DUX4: variants seen among roughly 807,000 people sequenced by gnomAD.
The protein encoded by DUX4 is double homeobox 4.
downstream of DUX4, among the ~76,000 whole-genome samples, chr4:190,178,891 G>GCCCCCATAGGCAGA (rs1742461053): frequency 2.8e-5 from 1 of 36,074 alleles, no homozygotes. Flanking sequence ...GCAGATCTAT[G>GCCCCCATAGGCAGA]TCACAATGCC....
At chr4:190,179,870 A>C (rs1742517626), downstream of DUX4, among the ~76,000 whole-genome samples, 1 of 152,390 alleles carries the variant, frequency 6.6e-6, no homozygotes, top group East Asian at 1.9e-4. Context: ...AGCAGAGCCT[A>C]GACAAGAGTT....
chr4:190,178,223 T>C (rs1742411478), downstream of DUX4, among the ~76,000 whole-genome samples: 20 of 150,290 alleles, frequency 1.3e-4, no homozygotes, highest in Admixed American at 4.0e-4. Context: ...ATGCCCCCTG[T>C]AGGCAGAGCA....
At chr4:190,182,399 G>C (rs1472567481) in intron 1 of DUX4, among the ~76,000 whole-genome samples, 84 of 47,000 alleles carry the variant, frequency 1.8e-3, no homozygotes, top group African/African-American at 3.5e-3. Context: ...GTTAGGGTTA[G>C]GGGTTAGGGT....
chr4:190,185,305 TA>T (rs1201091515), intron 1 of DUX4: 3 of 38,864 alleles, frequency 7.7e-5, no homozygotes, highest in Non-Finnish European at 2.2e-4. Context: ...TTGCTTTTTT[TA>T]AAAAAAATTC....
At chr4:190,176,258 T>G (rs1385026391), downstream of DUX4, among the ~76,000 whole-genome samples, 884 of 111,594 alleles carry the variant, frequency 7.9e-3, 49 homozygotes, top group African/African-American at 0.023. Context: ...GCCCAGACAA[T>G]TTTTACATCT....
intron 1 of DUX4, among the ~76,000 whole-genome samples, chr4:190,181,394 T>C (rs1476150056): frequency 0.017 from 7 of 414 alleles, no homozygotes; most frequent in African/African-American, 0.052. Flanking sequence ...AGTTACATCA[T>C]CTGGTTGATC....
downstream of DUX4, among the ~76,000 whole-genome samples, chr4:190,180,052 A>AAAGCACCC (rs1742527885): frequency 1.7e-5 from 2 of 114,584 alleles, no homozygotes; most frequent in East Asian, 2.2e-4. Flanking sequence ...GATATGTCAC[A>AAAGCACCC]TTGCCCCCAT....
intron 1 of DUX4, 47 bp from the exon 2 acceptor site, chr4:190,175,600 G>A (rs1401689108): frequency 6.0e-6 from 1 of 166,106 alleles, no homozygotes; most frequent in African/African-American, 2.6e-5. Context: ...GGAGCGCCTG[G>A]CGGTCAAAAG....
chr4:190,178,268 A>G (rs1742414138), downstream of DUX4, among the ~76,000 whole-genome samples: 669 of 121,286 alleles, frequency 5.5e-3, no homozygotes, highest in African/African-American at 7.0e-3. Flanking sequence ...TGATCAGTGT[A>G]GAGATATGTC....
At chr4:190,182,259 G>A (rs1428708950) in intron 1 of DUX4, 1 of 123,294 alleles carries the variant, frequency 8.1e-6, no homozygotes, top group African/African-American at 2.5e-5. Flanking sequence ...TGAGCATTAG[G>A]TTTAGGGTTA....
At chr4:190,183,683 C>T (rs1302206371) in intron 1 of DUX4, among the ~76,000 whole-genome samples, 3 of 111,970 alleles carry the variant, frequency 2.7e-5, no homozygotes, top group African/African-American at 7.9e-5. Context: ...ATCCTACGTT[C>T]CAAAAGCCTA....
At chr4:190,177,920 G>T (rs1553983368), downstream of DUX4, among the ~76,000 whole-genome samples, 56 of 5,042 alleles carry the variant, frequency 0.011, no homozygotes, top group Admixed American at 0.026. Flanking sequence ...TGGGTGATCA[G>T]TGTGGAGATA....
At chr4:190,175,982 G>T (rs1227440688), downstream of DUX4, 80 of 108,860 alleles carry the variant, frequency 7.3e-4, 15 homozygotes, top group Admixed American at 4.5e-3. Flanking sequence ...TGAACCTAGA[G>T]AATGGTTACA....
chr4:190,175,909 C>T (rs1327178336), downstream of DUX4: 2 of 127,542 alleles, frequency 1.6e-5, no homozygotes, highest in South Asian at 2.4e-4. Context: ...TAGAAAAAGC[C>T]TGAAATTGAT....
rs1411447426 is a variant in DUX4 at position 190,183,336 on chromosome 4, G to A, written n.93-2005G>A. ...GTTCCTGCTAAATCATGGACAAAAC[G>A]GGTCCCCAGGAGCTACAGGCTGCAG... On this transcript the variant is annotated intron_variant and non_coding_transcript_variant, in intron 1 of 2. Coordinates refer to the DUX4 transcript ENST00000563716. 2.8e-5 allele frequency: 3 copies of A among 108,090 alleles called. 1 individual carries two copies. The highest frequency in any genetic ancestry group is 6.5e-5 in the Non-Finnish European group (3 of 46,178). 6.7% of individuals were successfully genotyped at this position (108,090 alleles called of 1,614,324 possible). A position where few individuals can be genotyped will look rare whatever the true frequency, so the allele number is the denominator to read the frequency against.
chr4:190,177,083 C>G (rs1742340780), downstream of DUX4, among the ~76,000 whole-genome samples: 1 of 151,812 alleles, frequency 6.6e-6, no homozygotes, highest in African/African-American at 2.4e-5. Flanking sequence ...GAGAAGAGTC[C>G]CATCACCTGG....
chr4:190,179,525 GAGCCT>G (rs1742501595), downstream of DUX4, among the ~76,000 whole-genome samples: 1 of 136,288 alleles, frequency 7.3e-6, no homozygotes, highest in Admixed American at 7.1e-5. Context: ...CCTGTAGGCA[GAGCCT>G]AGACAAGAGT....
At chr4:190,177,892 GAC>G (rs1742394145), downstream of DUX4, among the ~76,000 whole-genome samples, 1 of 17,938 alleles carries the variant, frequency 5.6e-5, no homozygotes, top group Non-Finnish European at 1.3e-4. Flanking sequence ...CCATATCCTT[GAC>G]AAAAGTGACA....
Position 190,181,294 on chromosome 4 carries a change from AG to A in DUX4, n.93-4046del, listed in dbSNP as rs1742562387. On this transcript the variant is annotated intron_variant and non_coding_transcript_variant, in intron 1 of 2. Coordinates refer to the DUX4 transcript ENST00000563716. ...TGCAGAAATATGTGACAATGCCGCC[AG>A]TAGGCAGAGCCTAAAGAAGAGTCCC... Among the ~76,000 whole-genome samples, 17 of 122,946 alleles carry A rather than the reference AG, an allele frequency of 1.4e-4. 1 individual carries two copies. Among genetic ancestry groups the A allele is most frequent in the East Asian group, 2.5e-4 (1 of 4,038 alleles). 80.7% of individuals were successfully genotyped at this position (122,946 alleles called of 152,430 possible). A position where few individuals can be genotyped will look rare whatever the true frequency, so the allele number is the denominator to read the frequency against.
Sources: allele counts gnomAD v4.1 joint callset (sites outside exome capture counted in the v4.1 genomes callset), GRCh38; gene constraint gnomAD v4.1.1; transcripts MANE v1.5; gene names NCBI Gene and HGNC (gene_info 2026-07-23, HGNC 2026-07-21).